EXTL1: variants seen among roughly 807,000 people sequenced by gnomAD.
The protein encoded by EXTL1 is exostosin-like 1.
EXTL1 carries 43 observed loss-of-function variants against 64.6 expected under a neutral mutation model. That is an observed-to-expected ratio of 0.67 (90% CI 0.52 to 0.86). The LOEUF (loss-of-function observed/expected upper bound fraction) is 0.86. EXTL1 is among the 40% of genes least tolerant of loss of function. The pLI, the probability that EXTL1 is intolerant of heterozygous loss-of-function variation, is 0.00. For synonymous variants in EXTL1, 352 were observed against 360.5 expected, an observed-to-expected ratio of 0.98 and a Z score of 0.27; for missense variants, 766 against 879.0, an observed-to-expected ratio of 0.87 and a Z score of 1.62.
chr1:26,022,845 G>C lies in EXTL1; in HGVS notation c.199G>C (p.Asp67His). 1 of 1,614,090 alleles carries C rather than the reference G, an allele frequency of 6.2e-7. No individual in the cohort carries two copies. Among genetic ancestry groups the C allele is most frequent in the South Asian group, 1.1e-5 (1 of 91,068 alleles). ...CTCCCAGCCTGGAGAGCTCCCAGAA[G>C]ATGCCGTTTCACCTCCTCAAGCCCC... is the stretch of plus-strand genomic sequence containing the variant. ...SFSQPGELPE[D>H]AVSPPQAPHG... The change falls in exon 1 of 11, where the codon GAT (aspartate) becomes CAT (histidine). Residue 67 changes from aspartate to histidine, a missense_variant. Asp to His is a moderately conservative substitution (Grantham distance 81). This residue lies in a region of EXTL1 where 571 missense variants were observed against 647.6 expected (regional missense o/e 0.88). Coordinates refer to ENST00000374280, the MANE Select transcript of EXTL1 (RefSeq NM_004455.3).
intron 4 of EXTL1, 150 bp downstream of exon 4, chr1:26,030,745 T>G: frequency 1.1e-6 from 1 of 922,450 alleles, no homozygotes; most frequent in East Asian, 2.7e-5. Flanking sequence ...GCTGTGAGAT[T>G]TGGGGCAAGT....
At chr1:26,032,335 C>A in intron 6 of EXTL1, 61 bp from the exon 7 acceptor site, 1 of 1,135,570 alleles carries the variant, frequency 8.8e-7, no homozygotes, top group Non-Finnish European at 1.3e-6. Flanking sequence ...TCACTCCTGC[C>A]CCTCGCAACC....
Position 26,024,611 on chromosome 1 carries a change from C to T in EXTL1, c.779+1186C>T, listed in dbSNP as rs527933048. ...GCCAGGAGTAAGAATGGACTTGTCC[C>T]GGTCAGCCCCAGGGTCCTTTTGCTG... On this transcript the variant is annotated intron_variant, in intron 1 of 10. Transcript: ENST00000374280. Among the ~76,000 whole-genome samples, 29 of 152,168 alleles carry T rather than the reference C, an allele frequency of 1.9e-4. No homozygotes were observed. In the South Asian group the frequency reaches 2.5e-3, roughly 13 times the overall value.
At position 26,035,156 on chromosome 1, in the gene EXTL1, C is replaced by T; in HGVS notation, c.1849-9C>T. 6.3e-7 allele frequency: 1 copy of T among 1,596,512 alleles called. No individual in the cohort carries two copies. Among genetic ancestry groups the T allele is most frequent in the Non-Finnish European group, 8.5e-7 (1 of 1,169,750 alleles). ...AAGCCCGTTAATGCATTGCTTCTTT[C>T]CCTCTTAGGCGCCTGGGGGCCCGGG... On this transcript the variant is annotated splice_polypyrimidine_tract_variant and intron_variant, in intron 10 of 10. Transcript: ENST00000374280. The surrounding 1 kb of genome is among the most constrained non-coding windows in gnomAD (Gnocchi z 5.3).
chr1:26,022,851 G>A lies in EXTL1; in HGVS notation c.205G>A (p.Val69Ile), dbSNP rs139598123. ...SQPGELPEDA[V>I]SPPQAPHGGS... ...GCCTGGAGAGCTCCCAGAAGATGCC[G>A]TTTCACCTCCTCAAGCCCCTCATGG... The change falls in exon 1 of 11, where the codon GTT becomes ATT. Residue 69 changes from valine to isoleucine, a missense_variant. Physicochemically the swap from Val to Ile is conservative, Grantham distance 29. Coordinates refer to ENST00000374280, the MANE Select transcript of EXTL1 (RefSeq NM_004455.3). The A allele has an allele frequency of 1.2e-4, 199 of 1,614,006 alleles. No homozygotes were observed. Among genetic ancestry groups the A allele is most frequent in the African/African-American group, 1.0e-3 (78 of 75,044 alleles).
intron 1 of EXTL1, among the ~76,000 whole-genome samples, chr1:26,028,215 A>G (rs1386029533): frequency 6.6e-6 from 1 of 152,224 alleles, no homozygotes; most frequent in Non-Finnish European, 1.5e-5. Flanking sequence ...ACTCAGGGTC[A>G]GGAGCTGGCA....
At chr1:26,030,348 T>TGG in intron 3 of EXTL1, 128 bp from the exon 4 acceptor site, 1 of 652,846 alleles carries the variant, frequency 1.5e-6, no homozygotes, top group Non-Finnish European at 2.3e-6. Flanking sequence ...TTTTTTTTTT[T>TGG]TTGAGATAGG....
chr1:26,025,838 C>A lies in EXTL1; in HGVS notation c.779+2413C>A, dbSNP rs535522914. 3.2e-4 allele frequency among the ~76,000 whole-genome samples: 49 copies of A among 152,240 alleles called. No individual in the cohort carries two copies. Among genetic ancestry groups the A allele is most frequent in the Admixed American group, 1.1e-3 (17 of 15,282 alleles). ...GTACAAGCAATATGTATATTCTCCCCCATTTTTTAACATAAATTTGAGGCA... is the reference window on the plus strand; with the variant it reads ...GTACAAGCAATATGTATATTCTCCCACATTTTTTAACATAAATTTGAGGCA... On this transcript the variant is annotated intron_variant, in intron 1 of 10. Coordinates refer to ENST00000374280, the MANE Select transcript of EXTL1 (RefSeq NM_004455.3). This position sits in a 1 kb window ranked among gnomAD's most constrained non-coding sequence, Gnocchi z 5.3.
rs1283503636 is a variant in EXTL1, at chr1:26,022,623, C to T, written c.-24C>T. The T allele has an allele frequency of 5.8e-6, 9 of 1,560,096 alleles. No homozygotes were observed. The highest frequency in any genetic ancestry group is 7.8e-6 in the Non-Finnish European group (9 of 1,152,472). ...TGCTGGCAGAGGCCTCCCAGCTTCC[C>T]TAGCCCTGACTGTGGGTGGCCACAT... On this transcript the variant is annotated 5_prime_UTR_variant, in exon 1 of 11. Transcript: ENST00000374280.
rs773185083 is a variant in EXTL1, at chr1:26,022,874, T to C, written c.228T>C (p.His76=). The C allele has an allele frequency of 1.2e-6, 2 of 1,613,960 alleles. No individual in the cohort carries two copies. The highest frequency in any genetic ancestry group is 4.5e-5 in the East Asian group (2 of 44,876). Residue 76 remains histidine, a synonymous_variant, in exon 1 of 11, where the codon CAT becomes CAC. Coordinates refer to ENST00000374280, the MANE Select transcript of EXTL1 (RefSeq NM_004455.3). ...CCGTTTCACCTCCTCAAGCCCCTCA[T>C]GGTGGCAGCTGCAACTGGGAATCTT... The part of the protein sequence containing the change: ...EDAVSPPQAP[H]GGSCNWESCF...
rs373367414 is a variant in EXTL1, at chr1:26,022,632, A to G, written c.-15A>G. On this transcript the variant is annotated 5_prime_UTR_variant, in exon 1 of 11. Transcript: ENST00000374280. The stretch of plus-strand genomic sequence containing the variant: ...AGGCCTCCCAGCTTCCCTAGCCCTG[A>G]CTGTGGGTGGCCACATGCAGTCGTG... 53 of 1,567,982 alleles carry G rather than the reference A, an allele frequency of 3.4e-5. No individual in the cohort carries two copies. The highest frequency in any genetic ancestry group is 3.0e-4 in the African/African-American group (22 of 73,798).
At chr1:26,027,692 A>AAAAAAAAAAAAAAAAAAAAG (rs1553141864) in intron 1 of EXTL1, among the ~76,000 whole-genome samples, 44 of 145,774 alleles carry the variant, frequency 3.0e-4, no homozygotes, top group African/African-American at 9.6e-4. Flanking sequence ...CCATCTCTAA[A>AAAAAAAAAAAAAAAAAAAAG]AAAAAAAAAA....
rs1015688169 is a variant in EXTL1 at position 26,035,375 on chromosome 1, A to T, written c.*28A>T. ...GGGCGACCCGCGGAGACCCCAGCAG[A>T]GGTCGCAGCCCAGCTCCCAGGGGGC... On this transcript the variant is annotated 3_prime_UTR_variant, in exon 11 of 11. Transcript: ENST00000374280. This position sits in a 1 kb window ranked among gnomAD's most constrained non-coding sequence, Gnocchi z 5.3. 11 of 1,571,456 alleles carry T rather than the reference A, an allele frequency of 7.0e-6. No homozygotes were observed. The African/African-American group carries it at 1.5e-4, about 21-fold the overall frequency.
chr1:26,033,096 G>A lies in EXTL1; in HGVS notation c.1432-133G>A, dbSNP rs527553327. On this transcript the variant is annotated intron_variant, in intron 7 of 10. Coordinates refer to ENST00000374280, the MANE Select transcript of EXTL1 (RefSeq NM_004455.3). The surrounding 1 kb of genome is among the most constrained non-coding windows in gnomAD (Gnocchi z 5.1). ...GGCTTGCCATATTTGAGGCCCAGGC[G>A]TCTACACTGTGCCTGAAGGGAGGCT... 62 of 671,616 alleles carry A rather than the reference G, an allele frequency of 9.2e-5. No homozygotes were observed. The highest frequency in any genetic ancestry group is 5.8e-4 in the South Asian group (33 of 57,090). The allele number at this position is 671,616 out of a possible 1,614,324, so 41.6% of individuals were successfully genotyped here.
rs1557549408 is a variant in EXTL1 at position 26,023,568 on chromosome 1, G to C, written c.779+143G>C. 3.5e-6 allele frequency: 3 copies of C among 861,836 alleles called. No homozygotes were observed. In the East Asian group the frequency reaches 9.7e-5, roughly 28 times the overall value. The allele number at this position is 861,836 out of a possible 1,614,324, so 53.4% of individuals were successfully genotyped here. A position where few individuals can be genotyped will look rare whatever the true frequency, so the allele number is the denominator to read the frequency against. ...AGGCCTCAGCTGCAGCAGCAGGAGGGAGCCAGGTTAGATGGCAGAGAGCAC... is the reference window on the plus strand; with the variant it reads ...AGGCCTCAGCTGCAGCAGCAGGAGGCAGCCAGGTTAGATGGCAGAGAGCAC... On this transcript the variant is annotated intron_variant, in intron 1 of 10. Coordinates refer to ENST00000374280, the MANE Select transcript of EXTL1 (RefSeq NM_004455.3).
intron 5 of EXTL1, 33 bp downstream of exon 5, chr1:26,031,297 C>T: frequency 6.2e-7 from 1 of 1,609,066 alleles, no homozygotes; most frequent in Non-Finnish European, 8.5e-7. Flanking sequence ...CCTGAAGTCC[C>T]CTCAGCTCTA....
intron 1 of EXTL1, among the ~76,000 whole-genome samples, chr1:26,024,902 G>C (rs182545500): frequency 4.6e-5 from 7 of 152,362 alleles, no homozygotes; most frequent in Admixed American, 4.6e-4. Context: ...TGAGAAACTG[G>C]AAGTTAGGGA....
intron 1 of EXTL1, among the ~76,000 whole-genome samples, chr1:26,024,294 C>T (rs1210482856): frequency 6.6e-6 from 1 of 152,172 alleles, no homozygotes; most frequent in African/African-American, 2.4e-5. Context: ...ATGGGAGTCC[C>T]TCTGAGGTTG....
intron 7 of EXTL1, among the ~76,000 whole-genome samples, 153 bp downstream of exon 7, chr1:26,032,638 T>C (rs2050300243): frequency 6.6e-6 from 1 of 152,212 alleles, no homozygotes; most frequent in Non-Finnish European, 1.5e-5. Flanking sequence ...ATAGTAATGA[T>C]TCTTTTCCCT....
Sources: gnomAD v4.1 joint callset for allele counts (sites outside exome capture counted in the v4.1 genomes callset) on GRCh38, gnomAD v4.1.1 for gene constraint, gnomAD v4.1.1 regional missense constraint, Gnocchi (gnomAD v3.1) non-coding constraint, MANE v1.5 for transcripts, NCBI Gene and HGNC (gene_info 2026-07-23, HGNC 2026-07-21) for gene names.